Variants in NPAS3 observed in about 807,000 individuals in gnomAD.
NPAS3 encodes the protein neuronal PAS domain-containing protein 3.
NPAS3 carries 14 observed loss-of-function variants against 73.1 expected under a neutral mutation model. That is an observed-to-expected ratio of 0.19 (90% CI 0.13 to 0.30). The LOEUF is 0.30. NPAS3 is among the 10% of genes least tolerant of loss of function. The pLI is 1.00. For missense variants in NPAS3, 1,096 were observed against 1,250.0 expected (o/e 0.88, Z 1.86); for synonymous variants, 620 against 541.5 (o/e 1.14, Z -2.01).
intron 6 of NPAS3, among the ~76,000 whole-genome samples, chr14:33,730,701 A>AT (rs1427085745): frequency 1.3e-5 from 2 of 152,102 alleles, no homozygotes; most frequent in African/African-American, 2.4e-5. Flanking sequence ...CAAGGAAAAA[A>AT]CCAACTTGTC....
chr14:33,346,741 A>C, intron 3 of NPAS3, among the ~76,000 whole-genome samples: 1 of 152,282 alleles, frequency 6.6e-6, no homozygotes, highest in East Asian at 1.9e-4. Context: ...CATGGAACCC[A>C]GTGATAAAAT....
intron 5 of NPAS3, among the ~76,000 whole-genome samples, chr14:33,601,552 A>G (rs4982100): frequency 0.38 from 58,339 of 152,030 alleles, 12,422 homozygotes; most frequent in East Asian, 0.63. Flanking sequence ...ATTTGATCTC[A>G]CAAATTTGAG....
chr14:33,012,233 C>G (rs1351283151), intron 1 of NPAS3, among the ~76,000 whole-genome samples: 3 of 152,156 alleles, frequency 2.0e-5, no homozygotes, highest in Non-Finnish European at 2.9e-5. Flanking sequence ...CAGGTTTTAA[C>G]TTTTTTTCTC....
chr14:33,135,842 G>C (rs1330628874), intron 2 of NPAS3, among the ~76,000 whole-genome samples: 12 of 152,152 alleles, frequency 7.9e-5, no homozygotes, highest in Non-Finnish European at 1.5e-4. Flanking sequence ...CCGTTGAAAA[G>C]AAATGATTGG....
intron 6 of NPAS3, among the ~76,000 whole-genome samples, chr14:33,719,186 C>T (rs931658619): frequency 6.6e-6 from 1 of 152,144 alleles, no homozygotes; most frequent in Non-Finnish European, 1.5e-5. Flanking sequence ...TGGCATATGT[C>T]CAACTCCCAT....
At chr14:33,537,262 TGTG>T (rs1485408212) in intron 4 of NPAS3, among the ~76,000 whole-genome samples, 1 of 152,228 alleles carries the variant, frequency 6.6e-6, no homozygotes, top group Non-Finnish European at 1.5e-5. Context: ...TTTTAATTGT[TGTG>T]TATTTAACTG....
rs183120608 is a variant in NPAS3, at chr14:33,133,427, C to T, written c.140+77433C>T. On this transcript the variant is annotated intron_variant, in intron 2 of 11. Coordinates refer to ENST00000356141, the Ensembl canonical transcript of NPAS3. ...ATGTACATCACTGAGTCGTTAGGAC[C>T]GGTCAGAATTTGGCAGCATTCTGTT... 7.4e-3 allele frequency among the ~76,000 whole-genome samples: 1,125 copies of T among 152,204 alleles called. 14 individuals are homozygous for T. The highest frequency in any genetic ancestry group is 0.026 in the African/African-American group (1,060 of 41,530).
At chr14:33,435,043 A>G (rs1390732028) in intron 4 of NPAS3, among the ~76,000 whole-genome samples, 2 of 152,210 alleles carry the variant, frequency 1.3e-5, no homozygotes, top group Admixed American at 6.5e-5. Context: ...GGAGATGTTT[A>G]ATTCAGTGAT....
At chr14:33,490,869 C>A (rs1318343729) in intron 4 of NPAS3, among the ~76,000 whole-genome samples, 2 of 152,212 alleles carry the variant, frequency 1.3e-5, no homozygotes, top group East Asian at 1.9e-4. Flanking sequence ...CACCACCAGG[C>A]CTGGCAGCCC....
chr14:33,373,072 A>G (rs934332349), intron 4 of NPAS3, among the ~76,000 whole-genome samples: 2 of 152,218 alleles, frequency 1.3e-5, no homozygotes, highest in Admixed American at 6.5e-5. Flanking sequence ...AAAACACAAA[A>G]TGGTAGCAAA....
At chr14:33,478,560 A>C (rs1387629330) in intron 4 of NPAS3, among the ~76,000 whole-genome samples, 1 of 152,150 alleles carries the variant, frequency 6.6e-6, no homozygotes, top group Non-Finnish European at 1.5e-5. Context: ...AAGACAGATG[A>C]AGTAAAATTT....
At chr14:33,265,052 C>T (rs1372510112) in intron 3 of NPAS3, among the ~76,000 whole-genome samples, 1 of 152,242 alleles carries the variant, frequency 6.6e-6, no homozygotes, top group Non-Finnish European at 1.5e-5. Flanking sequence ...TAGCTACCAT[C>T]ATCACTACTA....
chr14:33,713,256 C>T (rs1431138301), intron 6 of NPAS3, among the ~76,000 whole-genome samples: 7 of 152,174 alleles, frequency 4.6e-5, no homozygotes, highest in Admixed American at 6.5e-5. Flanking sequence ...AATGGTCCAA[C>T]GTGATTACAA....
chr14:33,378,340 C>A, intron 4 of NPAS3, among the ~76,000 whole-genome samples: 1 of 152,172 alleles, frequency 6.6e-6, no homozygotes, highest in Admixed American at 6.5e-5. Context: ...AAGTCACTTC[C>A]TGTGATCACA....
intron 3 of NPAS3, among the ~76,000 whole-genome samples, chr14:33,217,971 G>A (rs532984885): frequency 9.2e-5 from 14 of 152,106 alleles, no homozygotes; most frequent in Non-Finnish European, 1.2e-4. Context: ...AATTTTCTCA[G>A]CTTCAGACTG....
intron 5 of NPAS3, among the ~76,000 whole-genome samples, chr14:33,674,394 C>G (rs567285832): frequency 2.9e-4 from 44 of 152,338 alleles, no homozygotes; most frequent in Admixed American, 9.8e-4. Flanking sequence ...GAGTGACTTC[C>G]TCATATTCAC....
chr14:33,199,415 TC>T lies in NPAS3; in HGVS notation c.141-15765del, dbSNP rs1485473564. Among the ~76,000 whole-genome samples, 4 of 152,296 alleles carry T rather than the reference TC, an allele frequency of 2.6e-5. No homozygotes were observed. In the East Asian group the frequency reaches 7.7e-4, roughly 29 times the overall value. ...CCTCCTGTCCCTATTGTATGGTTCTTCCATGTAGGCAGGATTTTCAGTGACT... is the reference window on the plus strand; with the variant it reads ...CCTCCTGTCCCTATTGTATGGTTCTTCATGTAGGCAGGATTTTCAGTGACT... On this transcript the variant is annotated intron_variant, in intron 2 of 11. Transcript: ENST00000356141.
chr14:33,116,764 A>G (rs1037522930), intron 2 of NPAS3, among the ~76,000 whole-genome samples: 1 of 151,340 alleles, frequency 6.6e-6, no homozygotes, highest in Admixed American at 6.6e-5. Context: ...CACCTGGAGA[A>G]GCTTATAATG....
intron 9 of NPAS3, among the ~76,000 whole-genome samples, chr14:33,784,211 T>C (rs1595607704): frequency 1.3e-5 from 2 of 152,246 alleles, no homozygotes; most frequent in African/African-American, 4.8e-5. Flanking sequence ...TGAGTGAATA[T>C]GAGCAGTCGT....
Sources: allele counts gnomAD v4.1 joint callset (sites outside exome capture counted in the v4.1 genomes callset), GRCh38; gene constraint gnomAD v4.1.1; transcripts MANE v1.5; gene names NCBI Gene and HGNC (gene_info 2026-07-23, HGNC 2026-07-21).